The following OTUD7A variants were observed in gnomAD, a reference collection of about 807,000 sequenced individuals.
OTUD7A encodes the protein OTU domain-containing protein 7A.
OTUD7A carries 12 observed loss-of-function variants against 65.7 expected under a neutral mutation model. The observed-to-expected ratio is 0.18, with a 90% CI of 0.12 to 0.30. The LOEUF is 0.30. OTUD7A is among the 10% of genes least tolerant of loss of function. The probability of loss-of-function intolerance (pLI) is 1.00; values close to 1 mark genes in which losing one functional copy is unlikely to be tolerated. For missense variants in OTUD7A, 1,148 were observed against 1,304.8 expected, an observed-to-expected ratio of 0.88 and a Z score of 1.85; for synonymous variants, 641 against 586.3, an observed-to-expected ratio of 1.09 and a Z score of -1.35.
chr15:31,690,241 A>T (rs1892931977), intron 1 of OTUD7A, among the ~76,000 whole-genome samples: 1 of 152,228 alleles, frequency 6.6e-6, no homozygotes, highest in African/African-American at 2.4e-5. Flanking sequence ...CTTAACAACT[A>T]CTTTAAGCTT....
chr15:31,772,206 C>G (rs984837682), intron 1 of OTUD7A, among the ~76,000 whole-genome samples: 21 of 149,376 alleles, frequency 1.4e-4, no homozygotes, highest in Admixed American at 8.7e-4. Context: ...GAGCCGAGAT[C>G]CCGCCACTGC....
intron 1 of OTUD7A, among the ~76,000 whole-genome samples, chr15:31,700,647 TC>T (rs1893193806): frequency 6.6e-6 from 1 of 152,046 alleles, no homozygotes; most frequent in Non-Finnish European, 1.5e-5. Flanking sequence ...ATGGCCTTTT[TC>T]TGCTTTCCTT....
intron 1 of OTUD7A, among the ~76,000 whole-genome samples, chr15:31,843,847 G>A (rs950979041): frequency 3.3e-5 from 5 of 152,084 alleles, no homozygotes; most frequent in African/African-American, 7.2e-5. Flanking sequence ...GATGGTCCCC[G>A]ATACACTGGA....
At chr15:31,865,026 C>T (rs1202785883) in intron 1 of OTUD7A, among the ~76,000 whole-genome samples, 1 of 98,504 alleles carries the variant, frequency 1.0e-5, no homozygotes, top group African/African-American at 3.2e-5. Context: ...GCCCTTGTGG[C>T]CCCCCCCTGG....
chr15:31,845,286 C>G (rs753021203), intron 1 of OTUD7A, among the ~76,000 whole-genome samples: 2 of 152,210 alleles, frequency 1.3e-5, no homozygotes, highest in African/African-American at 2.4e-5. Flanking sequence ...ATGTCCTGTA[C>G]CTCTCCATCT....
In OTUD7A at chr15:31,779,541, A is replaced by T. The variant is rs533908616; in HGVS notation, c.-100+90966T>A. On this transcript the variant is annotated intron_variant, in intron 1 of 12. Transcript: ENST00000307050. ...ACCATTCCTGTGTACAAGGTAATTG[A>T]CGGTAAAGAAGCAGGTAGAAGAAGA... Among the ~76,000 whole-genome samples, 7 of 152,352 alleles carry T rather than the reference A, an allele frequency of 4.6e-5. No homozygotes were observed. In the South Asian group the frequency reaches 1.5e-3, roughly 32 times the overall value.
intron 1 of OTUD7A, among the ~76,000 whole-genome samples, chr15:31,710,089 A>G (rs1893403509): frequency 6.6e-6 from 1 of 152,146 alleles, no homozygotes. Flanking sequence ...GGTCACCACG[A>G]GTGTGCACTG....
chr15:31,631,710 TCACTTTCAGGTACA>T (rs1891162893), intron 3 of OTUD7A, among the ~76,000 whole-genome samples: 1 of 152,240 alleles, frequency 6.6e-6, no homozygotes, highest in African/African-American at 2.4e-5. Flanking sequence ...ATTCTCCCCA[TCACTTTCAGGTACA>T]CCAATCAGAC....
intron 1 of OTUD7A, among the ~76,000 whole-genome samples, chr15:31,783,701 T>C (rs1265750103): frequency 6.6e-6 from 1 of 152,232 alleles, no homozygotes; most frequent in Non-Finnish European, 1.5e-5. Flanking sequence ...CCTGTATGAC[T>C]GCCTGAGTTG....
intron 1 of OTUD7A, among the ~76,000 whole-genome samples, chr15:31,665,325 A>G (rs1237209093): frequency 2.0e-5 from 3 of 152,254 alleles, no homozygotes; most frequent in Admixed American, 1.3e-4. Context: ...TGTGTCATCT[A>G]TGATTTCTTT....
At chr15:31,548,192 C>T (rs572153161) in intron 5 of OTUD7A, among the ~76,000 whole-genome samples, 7 of 150,950 alleles carry the variant, frequency 4.6e-5, no homozygotes, top group Middle Eastern at 3.4e-3. Flanking sequence ...GTGGGCCTCC[C>T]GGGCCACCCC....
Position 31,484,743 on chromosome 15 carries a change from C to T in OTUD7A, c.1372-19G>A, listed in dbSNP as rs1322714306. ...GGGGCGCCTGTGTGGAGAGGGAGGG[C>T]CGGATCGAAGGTGGTTAGAGAAGAG... On this transcript the variant is annotated intron_variant, in intron 12 of 12. Coordinates refer to ENST00000307050, the MANE Select transcript of OTUD7A (RefSeq NM_001382637.1). The surrounding 1 kb of genome is among the most constrained non-coding windows in gnomAD (Gnocchi z 4.5). 35 of 1,586,946 alleles carry T rather than the reference C, an allele frequency of 2.2e-5. No homozygotes were observed. Among genetic ancestry groups the T allele is most frequent in the Non-Finnish European group, 2.8e-5 (33 of 1,173,498 alleles).
rs28576652 is a variant in OTUD7A at position 31,699,202 on chromosome 15, C to A, written c.-99-42125G>T. 2.4e-3 allele frequency among the ~76,000 whole-genome samples: 364 copies of A among 151,778 alleles called. 3 individuals are homozygous for A. Among genetic ancestry groups the A allele is most frequent in the Non-Finnish European group, 3.8e-3 (256 of 67,944 alleles). Reference sequence around the variant, plus strand: ...TCATGCCATTCTCCTGCCTCAGCCTCCCGAGTAGCTGGGACTACAGGCGCC... The same window carrying A: ...TCATGCCATTCTCCTGCCTCAGCCTACCGAGTAGCTGGGACTACAGGCGCC... On this transcript the variant is annotated intron_variant, in intron 1 of 12. Coordinates refer to ENST00000307050, the MANE Select transcript of OTUD7A (RefSeq NM_001382637.1).
intron 3 of OTUD7A, among the ~76,000 whole-genome samples, chr15:31,633,939 T>C (rs1298298696): frequency 1.3e-5 from 2 of 152,226 alleles, no homozygotes; most frequent in Non-Finnish European, 2.9e-5. Context: ...ATAGGTTTTG[T>C]TGAGTGGCCT....
chr15:31,690,601 T>C (rs1892939089), intron 1 of OTUD7A, among the ~76,000 whole-genome samples: 1 of 152,234 alleles, frequency 6.6e-6, no homozygotes, highest in African/African-American at 2.4e-5. Context: ...AAATACATGG[T>C]TAAATCGTTT....
At chr15:31,653,118 G>A (rs1230188802) in intron 3 of OTUD7A, among the ~76,000 whole-genome samples, 1 of 151,904 alleles carries the variant, frequency 6.6e-6, no homozygotes, top group African/African-American at 2.4e-5. Flanking sequence ...GCATGGTGAT[G>A]CGCGGCTGTA....
intron 1 of OTUD7A, among the ~76,000 whole-genome samples, chr15:31,807,513 A>C (rs1896301490): frequency 6.6e-6 from 1 of 152,112 alleles, no homozygotes; most frequent in Admixed American, 6.5e-5. Flanking sequence ...AAGGCAGAAA[A>C]ATTCCCAGTC....
Position 31,483,426 on chromosome 15 carries a change from C to G in OTUD7A, c.2670G>C (p.Pro890=). 2 of 1,371,254 alleles carry G rather than the reference C, an allele frequency of 1.5e-6. No individual in the cohort carries two copies. Among genetic ancestry groups the G allele is most frequent in the South Asian group, 1.5e-5 (1 of 67,658 alleles). The allele number at this position is 1,371,254 out of a possible 1,614,324, so 84.9% of individuals were successfully genotyped here. ...RSNGECGRGG[P]GPVQRRCQRE... ...GCTGGCAGCGCCGCTGCACCGGCCCCGGGCCGCCACGGCCGCACTCACCGT... is the reference window on the plus strand; with the variant it reads ...GCTGGCAGCGCCGCTGCACCGGCCCGGGGCCGCCACGGCCGCACTCACCGT... The change falls in exon 13 of 13, where the codon CCG becomes CCC. Residue 890 remains proline, a synonymous_variant. Coordinates refer to ENST00000307050, the MANE Select transcript of OTUD7A (RefSeq NM_001382637.1).
At chr15:31,603,996 G>T (rs775757624) in intron 3 of OTUD7A, among the ~76,000 whole-genome samples, 2 of 152,196 alleles carry the variant, frequency 1.3e-5, no homozygotes. Context: ...ACTGTTGGTG[G>T]GAGTGTAAAT....
Sources: allele counts gnomAD v4.1 joint callset (sites outside exome capture counted in the v4.1 genomes callset), GRCh38; gene constraint gnomAD v4.1.1; non-coding constraint Gnocchi (gnomAD v3.1); transcripts MANE v1.5; gene names NCBI Gene and HGNC (gene_info 2026-07-23, HGNC 2026-07-21).